KCNIP4: variants seen among roughly 807,000 people sequenced by gnomAD.
KCNIP4 encodes potassium voltage-gated channel interacting protein 4.
A neutral mutation model predicts 34.0 loss-of-function variants in KCNIP4; 12 were observed. That is an observed-to-expected ratio of 0.35 (90% CI 0.23 to 0.57). KCNIP4 has a LOEUF of 0.57. Ranked by LOEUF, KCNIP4 falls within the 20% of genes least tolerant of loss-of-function variation. The pLI, the probability that KCNIP4 is intolerant of heterozygous loss-of-function variation, is 0.83. For synonymous variants in KCNIP4, 124 were observed against 102.2 expected (o/e 1.21, Z -1.29); for missense variants, 238 against 311.7 (o/e 0.76, Z 1.78).
At chr4:20,904,733 C>A in intron 1 of KCNIP4, among the ~76,000 whole-genome samples, 1 of 151,960 alleles carries the variant, frequency 6.6e-6, no homozygotes, top group East Asian at 1.9e-4. Context: ...TCTTAAATAC[C>A]AATAATGTTT....
At chr4:20,962,909 A>C (rs1433252062) in intron 1 of KCNIP4, among the ~76,000 whole-genome samples, 1 of 152,216 alleles carries the variant, frequency 6.6e-6, no homozygotes, top group African/African-American at 2.4e-5. Flanking sequence ...ACATCTAGTT[A>C]GAATATTTTG....
intron 1 of KCNIP4, among the ~76,000 whole-genome samples, chr4:20,901,538 A>G (rs911924837): frequency 3.3e-5 from 5 of 152,222 alleles, no homozygotes; most frequent in African/African-American, 1.2e-4. Context: ...ATCTTAATTC[A>G]TTATGAATGA....
intron 1 of KCNIP4, among the ~76,000 whole-genome samples, chr4:21,664,093 G>A (rs1272741943): frequency 6.6e-6 from 1 of 151,974 alleles, no homozygotes; most frequent in Non-Finnish European, 1.5e-5. Flanking sequence ...CTACAGGTGT[G>A]CACCACCACA....
Position 21,290,011 on chromosome 4 carries a change from C to CA in KCNIP4, c.62-407303dup, listed in dbSNP as rs917713752. ...AAACTAAAGCTTCTCTTAGCAGGTA[C>CA]AAAAAAAAATAGCTTTTCTTTTAGT... On this transcript the variant is annotated intron_variant, in intron 1 of 8. Coordinates refer to ENST00000382152, the MANE Select transcript of KCNIP4 (RefSeq NM_025221.6). 6.9e-4 allele frequency among the ~76,000 whole-genome samples: 104 copies of CA among 150,086 alleles called. 1 individual carries two copies. The highest frequency in any genetic ancestry group is 2.5e-3 in the East Asian group (13 of 5,130).
At chr4:21,526,573 T>C (rs779725161) in intron 1 of KCNIP4, among the ~76,000 whole-genome samples, 1 of 151,994 alleles carries the variant, frequency 6.6e-6, no homozygotes, top group Admixed American at 6.6e-5. Context: ...TTCATATATA[T>C]AGATTTATAT....
chr4:21,476,646 C>A (rs1731006707), intron 1 of KCNIP4, among the ~76,000 whole-genome samples: 1 of 152,038 alleles, frequency 6.6e-6, no homozygotes, highest in Non-Finnish European at 1.5e-5. Flanking sequence ...CCAATAAATC[C>A]CTATTTTAAA....
intron 1 of KCNIP4, among the ~76,000 whole-genome samples, chr4:21,282,941 C>A (rs371386165): frequency 6.6e-6 from 1 of 152,112 alleles, no homozygotes. Flanking sequence ...CCCAAATCTC[C>A]GTCAACTGCT....
intron 1 of KCNIP4, among the ~76,000 whole-genome samples, chr4:21,323,731 G>A (rs767710646): frequency 2.0e-5 from 3 of 151,992 alleles, no homozygotes; most frequent in Non-Finnish European, 2.9e-5. Context: ...ATATGGGAGC[G>A]CAGATATCTC....
At chr4:21,071,027 T>C (rs1017142189) in intron 1 of KCNIP4, among the ~76,000 whole-genome samples, 2 of 152,082 alleles carry the variant, frequency 1.3e-5, no homozygotes, top group Admixed American at 6.6e-5. Flanking sequence ...GTTAGATATG[T>C]AGTTTATCAA....
intron 1 of KCNIP4, among the ~76,000 whole-genome samples, chr4:21,713,148 A>G (rs1209146502): frequency 6.6e-6 from 1 of 152,212 alleles, no homozygotes. Flanking sequence ...AGGTCTACCT[A>G]ATGGACCCAC....
chr4:20,968,960 C>G (rs1197158287), intron 1 of KCNIP4, among the ~76,000 whole-genome samples: 1 of 152,066 alleles, frequency 6.6e-6, no homozygotes, highest in African/African-American at 2.4e-5. Context: ...AGAGATATTA[C>G]TCTCTCTACT....
chr4:21,098,145 C>CAA (rs1179681366), intron 1 of KCNIP4, among the ~76,000 whole-genome samples: 7 of 152,110 alleles, frequency 4.6e-5, no homozygotes, highest in Non-Finnish European at 1.0e-4. Context: ...CTAAGAGAAA[C>CAA]AAGGAAGCTA....
intron 1 of KCNIP4, among the ~76,000 whole-genome samples, chr4:20,908,791 G>A (rs996560065): frequency 6.6e-6 from 1 of 152,204 alleles, no homozygotes; most frequent in African/African-American, 2.4e-5. Context: ...CTAAGGCTCA[G>A]TTTCCTCACA....
chr4:21,393,859 G>C lies in KCNIP4; in HGVS notation c.62-511150C>G, dbSNP rs9993344. On this transcript the variant is annotated intron_variant, in intron 1 of 8. Coordinates refer to ENST00000382152, the MANE Select transcript of KCNIP4 (RefSeq NM_025221.6). ...GGTAAACTTAAAAGACACCTTAGTAGAGTGTTGATAAACACTCCAATAATT... is the reference window on the plus strand; with the variant it reads ...GGTAAACTTAAAAGACACCTTAGTACAGTGTTGATAAACACTCCAATAATT... Among the ~76,000 whole-genome samples, 1,026 of 152,010 alleles carry C rather than the reference G, an allele frequency of 6.7e-3. 7 individuals are homozygous for C. Among genetic ancestry groups the C allele is most frequent in the African/African-American group, 0.024 (975 of 41,342 alleles).
chr4:21,551,862 T>C (rs922372818), intron 1 of KCNIP4, among the ~76,000 whole-genome samples: 1 of 152,014 alleles, frequency 6.6e-6, no homozygotes, highest in Non-Finnish European at 1.5e-5. Flanking sequence ...TATTGTATTA[T>C]TGCGAGAAAG....
intron 1 of KCNIP4, among the ~76,000 whole-genome samples, chr4:21,119,548 A>T (rs1169567108): frequency 6.6e-6 from 1 of 151,612 alleles, no homozygotes; most frequent in Non-Finnish European, 1.5e-5. Context: ...AATGCTAAAA[A>T]TAACTAGCGT....
intron 1 of KCNIP4, among the ~76,000 whole-genome samples, chr4:21,125,188 C>CTTATT (rs71189682): frequency 0.077 from 9,180 of 119,000 alleles, 517 homozygotes; most frequent in African/African-American, 0.11. Context: ...TTTATTTTGT[C>CTTATT]TTATTTTATT....
chr4:21,476,790 G>A (rs961877395), intron 1 of KCNIP4, among the ~76,000 whole-genome samples: 3 of 152,092 alleles, frequency 2.0e-5, no homozygotes, highest in Admixed American at 6.6e-5. Context: ...ATCTTCCTTT[G>A]GGGGCCAAAA....
At chr4:21,434,978 T>G (rs1726824330) in intron 1 of KCNIP4, among the ~76,000 whole-genome samples, 1 of 151,920 alleles carries the variant, frequency 6.6e-6, no homozygotes. Flanking sequence ...GTTGAGGGAG[T>G]TAGATGAAAA....
Sources: gnomAD v4.1 joint callset for allele counts (sites outside exome capture counted in the v4.1 genomes callset) on GRCh38, gnomAD v4.1.1 for gene constraint, MANE v1.5 for transcripts, NCBI Gene and HGNC (gene_info 2026-07-23, HGNC 2026-07-21) for gene names.